LRP6: variants seen among roughly 807,000 people sequenced by gnomAD.
The protein encoded by LRP6 is LDL receptor related protein 6.
LRP6 carries 43 observed loss-of-function variants against 184.1 expected under a neutral mutation model. The ratio of observed to expected loss-of-function variants is 0.23; its 90% confidence interval spans 0.18 to 0.30. The LOEUF is 0.30. Among genes scored for constraint, LRP6 ranks in the 10% least tolerant of loss-of-function variants. The probability of loss-of-function intolerance (pLI) is 1.00; values close to 1 mark genes in which losing one functional copy is unlikely to be tolerated. For synonymous variants in LRP6, 719 were observed against 684.9 expected, an observed-to-expected ratio of 1.05 and a Z score of -0.78; for missense variants, 1,571 against 2,005.3, an observed-to-expected ratio of 0.78 and a Z score of 4.14.
intron 17 of LRP6, among the ~76,000 whole-genome samples, chr12:12,133,539 A>T (rs1235817762): frequency 2.0e-5 from 3 of 152,178 alleles, no homozygotes; most frequent in African/African-American, 7.2e-5. Context: ...CAGCCGGCAG[A>T]ACCATGAGCC....
In LRP6 at chr12:12,181,129, C is replaced by T; in HGVS notation, c.1287G>A (p.Val429=). The T allele has an allele frequency of 6.2e-7, 1 of 1,614,132 alleles. No individual in the cohort carries two copies. The highest frequency in any genetic ancestry group is 8.5e-7 in the Non-Finnish European group (1 of 1,180,000). ...TCCTCATGGTCCCATTGAGCCTTGTCACTTCTATTCGATCAGTGCCAGTGT... is the reference window on the plus strand; with the variant it reads ...TCCTCATGGTCCCATTGAGCCTTGTTACTTCTATTCGATCAGTGCCAGTGT... ...WTDTGTDRIE[V]TRLNGTMRKI... The change falls in exon 6 of 23, where the codon GTG becomes GTA. Residue 429 remains valine (V), a synonymous_variant. Coordinates refer to ENST00000261349, the MANE Select transcript of LRP6 (RefSeq NM_002336.3).
At position 12,179,976 on chromosome 12, in the gene LRP6, A is replaced by G; in HGVS notation, c.1379T>C (p.Met460Thr). 1.2e-6 allele frequency: 2 copies of G among 1,613,086 alleles called. No homozygotes were observed. The highest frequency in any genetic ancestry group is 1.7e-6 in the Non-Finnish European group (2 of 1,179,078). The part of the protein sequence containing the change: ...AIVLDPMVGY[M>T]YWTDWGEIPK... ...AATTTCTCCCCAGTCAGTCCAATAC[A>G]TGTACCTAGAGAAGTATACAAAAAA... is the stretch of plus-strand genomic sequence containing the variant. Residue 460 changes from methionine (M) to threonine (T), a missense_variant, in exon 7 of 23, where the codon ATG becomes ACG. Around this residue, in one of 4 missense-constraint regions of LRP6, gnomAD observed 640 missense variants for 851.9 expected, o/e 0.75. Coordinates refer to ENST00000261349, the MANE Select transcript of LRP6 (RefSeq NM_002336.3).
intron 1 of LRP6, among the ~76,000 whole-genome samples, chr12:12,260,475 C>G (rs1482397318): frequency 3.3e-5 from 5 of 152,026 alleles, no homozygotes; most frequent in African/African-American, 1.2e-4. Flanking sequence ...AGCTTTTATT[C>G]CAGTTGCAGA....
intron 1 of LRP6, among the ~76,000 whole-genome samples, chr12:12,263,815 C>T (rs1352109937): frequency 1.3e-5 from 2 of 151,834 alleles, no homozygotes; most frequent in African/African-American, 2.4e-5. Context: ...GCCTAGGCAA[C>T]AGAGCAAGAC....
intron 2 of LRP6, among the ~76,000 whole-genome samples, chr12:12,218,777 T>C (rs998640209): frequency 4.6e-5 from 7 of 151,980 alleles, no homozygotes; most frequent in Non-Finnish European, 7.4e-5. Flanking sequence ...TGCAGTAAGC[T>C]ATGACCATGC....
intron 2 of LRP6, among the ~76,000 whole-genome samples, chr12:12,240,722 C>T (rs1490116933): frequency 6.6e-6 from 1 of 151,658 alleles, no homozygotes; most frequent in African/African-American, 2.4e-5. Context: ...TGAAAGGATC[C>T]TAAACAAACA....
intron 7 of LRP6, among the ~76,000 whole-genome samples, chr12:12,168,119 C>T (rs1862939264): frequency 6.6e-6 from 1 of 152,174 alleles, no homozygotes; most frequent in Admixed American, 6.5e-5. Flanking sequence ...CCCTAACTCA[C>T]CTCCCCGCAA....
chr12:12,260,834 A>C (rs900414013), intron 1 of LRP6, among the ~76,000 whole-genome samples: 6 of 152,190 alleles, frequency 3.9e-5, no homozygotes, highest in African/African-American at 1.4e-4. Context: ...CCTTCCATAT[A>C]ATCTTCTCTA....
At chr12:12,139,297 A>G (rs1157359133) in intron 15 of LRP6, among the ~76,000 whole-genome samples, 2 of 152,234 alleles carry the variant, frequency 1.3e-5, no homozygotes, top group Admixed American at 6.5e-5. Context: ...CAAAATGCCA[A>G]CTTTTTAATA....
intron 17 of LRP6, 68 bp from the exon 18 acceptor site, chr12:12,132,125 T>C (rs1247962788): frequency 6.4e-6 from 6 of 934,438 alleles, no homozygotes; most frequent in Non-Finnish European, 8.9e-6. Context: ...TACAAACACA[T>C]ACCTGAGTGA....
At chr12:12,202,251 T>TA (rs1863930954) in intron 3 of LRP6, among the ~76,000 whole-genome samples, 1 of 152,244 alleles carries the variant, frequency 6.6e-6, no homozygotes, top group Admixed American at 6.5e-5. Context: ...GCTTTACAAA[T>TA]AAAGTTTTAC....
In LRP6 at chr12:12,162,430, A is replaced by T; in HGVS notation, c.2053-11T>A. ...GGCTCTGCTGATGGTCTGCAAAAGA[A>T]CATTAACAACTAAGTCATATGGCAT... On this transcript the variant is annotated splice_polypyrimidine_tract_variant and intron_variant, in intron 9 of 22. Transcript: ENST00000261349. 2 of 1,600,796 alleles carry T rather than the reference A, an allele frequency of 1.2e-6. No individual in the cohort carries two copies. The highest frequency in any genetic ancestry group is 1.7e-6 in the Non-Finnish European group (2 of 1,167,818).
At chr12:12,195,361 A>AT (rs1863724757) in intron 3 of LRP6, among the ~76,000 whole-genome samples, 1 of 151,850 alleles carries the variant, frequency 6.6e-6, no homozygotes, top group Non-Finnish European at 1.5e-5. Flanking sequence ...TGACCGTATT[A>AT]TTTTTTGTCT....
At position 12,119,188 on chromosome 12, in the gene LRP6, C is replaced by T. The variant is rs1339721489; in HGVS notation, c.*1938G>A. The T allele has an allele frequency of 1.3e-5, 2 of 152,156 alleles. No individual in the cohort carries two copies. Among genetic ancestry groups the T allele is most frequent in the Non-Finnish European group, 1.5e-5 (1 of 68,014 alleles). The allele number at this position is 152,156 out of a possible 1,614,324, so 9.4% of individuals were successfully genotyped here. On this transcript the variant is annotated 3_prime_UTR_variant, in exon 23 of 23. Coordinates refer to ENST00000261349, the MANE Select transcript of LRP6 (RefSeq NM_002336.3). ...CCTGATTCTTACAGTCTCCAACAAT[C>T]AGCATTATTCTGAAACCACAATTTT...
chr12:12,160,114 C>T, intron 10 of LRP6, 150 bp from the exon 11 acceptor site: 1 of 625,534 alleles, frequency 1.6e-6, no homozygotes, highest in East Asian at 2.8e-5. Flanking sequence ...ACAATGCTTT[C>T]AATTATTTTG....
intron 1 of LRP6, among the ~76,000 whole-genome samples, chr12:12,265,185 C>T (rs751114990): frequency 2.0e-5 from 3 of 151,924 alleles, no homozygotes; most frequent in Admixed American, 1.3e-4. Context: ...ACAGCAAAAC[C>T]CCTTTCAATA....
At chr12:12,262,848 A>G (rs1219797649) in intron 1 of LRP6, among the ~76,000 whole-genome samples, 2 of 152,176 alleles carry the variant, frequency 1.3e-5, no homozygotes, top group Non-Finnish European at 2.9e-5. Flanking sequence ...TCCCTGCCCC[A>G]TCTTTAATTA....
chr12:12,171,567 A>G (rs1863046946), intron 7 of LRP6, among the ~76,000 whole-genome samples: 1 of 127,218 alleles, frequency 7.9e-6, no homozygotes, highest in South Asian at 2.6e-4. Context: ...AAATAAATAA[A>G]TAAACGCTAT....
intron 4 of LRP6, among the ~76,000 whole-genome samples, chr12:12,185,822 G>A (rs957187645): frequency 5.9e-5 from 7 of 119,194 alleles, no homozygotes; most frequent in African/African-American, 1.3e-4. Context: ...AAGAAGAGGC[G>A]TTTTTGTGTG....
Sources: gnomAD v4.1 joint callset for allele counts (sites outside exome capture counted in the v4.1 genomes callset) on GRCh38, gnomAD v4.1.1 for gene constraint, gnomAD v4.1.1 regional missense constraint, MANE v1.5 for transcripts, NCBI Gene and HGNC (gene_info 2026-07-23, HGNC 2026-07-21) for gene names.